The following VAC14 variants were observed in gnomAD, a reference collection of about 807,000 sequenced individuals.
VAC14 encodes the protein VAC14 component of PIKFYVE complex.
Under a neutral mutation model 85.3 loss-of-function variants are expected in VAC14, and 47 were observed. The ratio of observed to expected loss-of-function variants is 0.55; its 90% CI spans 0.44 to 0.70. VAC14 has a LOEUF of 0.70. VAC14 is among the 30% of genes least tolerant of loss of function. The pLI, the probability that VAC14 is intolerant of heterozygous loss-of-function variation, is 0.00. For synonymous variants in VAC14, 447 were observed against 430.5 expected (o/e 1.04, Z -0.47); for missense variants, 861 against 1,004.3 (o/e 0.86, Z 1.93).
chr16:70,698,937 G>A (rs2053767638), intron 14 of VAC14, 126 bp from the exon 15 acceptor site: 2 of 600,286 alleles, frequency 3.3e-6, no homozygotes, highest in South Asian at 3.5e-5. Context: ...GGCCAGTGTG[G>A]AGCCATGACT....
At chr16:70,713,709 G>GTTTTTT (rs34017623) in intron 14 of VAC14, among the ~76,000 whole-genome samples, 1 of 133,708 alleles carries the variant, frequency 7.5e-6, no homozygotes, top group Non-Finnish European at 1.6e-5. Flanking sequence ...CTTTGTTTTT[G>GTTTTTT]TTTTTTTTTT....
intron 12 of VAC14, chr16:70,755,136 C>T: frequency 3.9e-6 from 1 of 255,314 alleles, no homozygotes; most frequent in South Asian, 3.3e-5. Flanking sequence ...GGCTTCTACA[C>T]CACCCTGCAG....
intron 14 of VAC14, among the ~76,000 whole-genome samples, chr16:70,718,458 A>G (rs147773841): frequency 0.064 from 9,738 of 151,998 alleles, 335 homozygotes; most frequent in Middle Eastern, 0.078. Context: ...TGTAGTCCCA[A>G]CTACTCGGGA....
rs1597853797 is a variant in VAC14 at position 70,698,796 on chromosome 16, C to T, written c.1677G>A (p.Leu559=). 4 of 1,613,928 alleles carry T rather than the reference C, an allele frequency of 2.5e-6. No homozygotes were observed. Among genetic ancestry groups the T allele is most frequent in the South Asian group, 1.1e-5 (1 of 91,076 alleles). ...AGTGGAAGATGTTCTCCGCATTCAG[C>T]AGGAGGCACAGCTGCCTGGAGAGCA... is the stretch of plus-strand genomic sequence containing the variant. The part of the protein sequence containing the change: ...GPFIIRQLCL[L]LNAENIFHSM... Residue 559 remains leucine, a synonymous_variant, in exon 15 of 19, where the codon CTG becomes CTA. Coordinates refer to ENST00000261776, the MANE Select transcript of VAC14 (RefSeq NM_018052.5).
At chr16:70,738,504 C>T (rs1339856706) in intron 13 of VAC14, among the ~76,000 whole-genome samples, 3 of 152,082 alleles carry the variant, frequency 2.0e-5, no homozygotes, top group Non-Finnish European at 4.4e-5. Context: ...AGTCTGCCAC[C>T]GGGAAAGAGC....
Position 70,786,246 on chromosome 16 carries a change from C to T in VAC14, c.224G>A (p.Gly75Asp), listed in dbSNP as rs1160258220. 3 of 1,614,098 alleles carry T rather than the reference C, an allele frequency of 1.9e-6. No individual in the cohort carries two copies. The highest frequency in any genetic ancestry group is 2.5e-6 in the Non-Finnish European group (3 of 1,180,034). The change falls in exon 2 of 19, where the codon GGC becomes GAC. Residue 75 changes from glycine (G) to aspartate (D), a missense_variant. Physicochemically the swap from Gly to Asp is moderately conservative, Grantham distance 94. Transcript: ENST00000261776. ...HPHSRKGGLI[G>D]LAACSIALGK... ...CAGTGCGATGGAGCAGGCGGCCAGGCCGATGAGGCCCCCTTTCCGGCTGTG... is the reference window on the plus strand; with the variant it reads ...CAGTGCGATGGAGCAGGCGGCCAGGTCGATGAGGCCCCCTTTCCGGCTGTG...
Position 70,698,734 on chromosome 16 carries a change from T to C in VAC14, c.1739A>G (p.Lys580Arg), listed in dbSNP as rs1166898830. 1 of 1,614,170 alleles carries C rather than the reference T, an allele frequency of 6.2e-7. No individual in the cohort carries two copies. Among genetic ancestry groups the C allele is most frequent in the Admixed American group, 1.7e-5 (1 of 60,038 alleles). ...GGCGTGGACCATGGTCGAGGCGAAC[T>C]TGAGGTCCTCCTCCCGCAGCAGGAT... ...ADILLREEDL[K>R]FASTMVHALN... Residue 580 changes from lysine to arginine, a missense_variant, in exon 15 of 19, where the codon AAG becomes AGG. Coordinates refer to ENST00000261776, the MANE Select transcript of VAC14 (RefSeq NM_018052.5).
At chr16:70,699,273 A>C (rs1487230187) in intron 14 of VAC14, 5 of 177,682 alleles carry the variant, frequency 2.8e-5, no homozygotes, top group Admixed American at 5.5e-5. Flanking sequence ...TTACTGCCCC[A>C]CTCCTCCTCC....
intron 14 of VAC14, chr16:70,699,188 T>C: frequency 4.4e-6 from 1 of 227,742 alleles, no homozygotes; most frequent in Non-Finnish European, 8.9e-6. Context: ...AAGACACGCC[T>C]GTCCCCTGCT....
intron 13 of VAC14, among the ~76,000 whole-genome samples, chr16:70,741,477 T>C (rs2030301732): frequency 6.6e-6 from 1 of 152,214 alleles, no homozygotes; most frequent in African/African-American, 2.4e-5. Context: ...ATGGCCCCAT[T>C]TGTAAAATCT....
chr16:70,770,661 T>G (rs557468815), intron 10 of VAC14: 1 of 152,374 alleles, frequency 6.6e-6, no homozygotes, highest in African/African-American at 2.4e-5. Context: ...AGTAACTTCC[T>G]GGCTACTTCT....
chr16:70,688,672 A>G (rs2053544105), intron 18 of VAC14: 1 of 985,612 alleles, frequency 1.0e-6, no homozygotes, highest in African/African-American at 1.7e-5. Flanking sequence ...CAGCTCCTAC[A>G]TTCCTGTTGC....
In VAC14 at chr16:70,697,262, G is replaced by A; in HGVS notation, c.1837-5C>T. 6.2e-7 allele frequency: 1 copy of A among 1,611,880 alleles called. No individual in the cohort carries two copies. The highest frequency in any genetic ancestry group is 8.5e-7 in the Non-Finnish European group (1 of 1,178,326). ...GCAGAACAGGTTCTGGCTCTCCTGT[G>A]GGGGAACAGGCATGAGCCGTGAGGA... On this transcript the variant is annotated splice_region_variant and splice_polypyrimidine_tract_variant and intron_variant, in intron 15 of 18. Transcript: ENST00000261776.
At chr16:70,728,364 TG>T (rs2143000762) in intron 14 of VAC14, among the ~76,000 whole-genome samples, 1 of 152,242 alleles carries the variant, frequency 6.6e-6, no homozygotes, top group African/African-American at 2.4e-5. Context: ...AGGGACAAAG[TG>T]GCGGCTGCTG....
At chr16:70,778,704 G>A (rs112861747) in intron 9 of VAC14, 1 of 152,176 alleles carries the variant, frequency 6.6e-6, no homozygotes, top group Non-Finnish European at 1.5e-5. Flanking sequence ...AGAGCAGAAG[G>A]TGAAGCTGTG....
At chr16:70,744,311 G>A (rs556252125) in intron 13 of VAC14, 112 bp downstream of exon 13, 1 of 1,441,872 alleles carries the variant, frequency 6.9e-7, no homozygotes, top group African/African-American at 1.4e-5. Context: ...CTCACACCCT[G>A]GCAGAGCTCC....
intron 14 of VAC14, among the ~76,000 whole-genome samples, chr16:70,700,946 T>A (rs944326825): frequency 6.6e-6 from 1 of 152,062 alleles, no homozygotes; most frequent in Non-Finnish European, 1.5e-5. Context: ...GTGGTGCCCA[T>A]GTGAGGGCAG....
intron 18 of VAC14, chr16:70,690,303 G>A (rs1224498133): frequency 2.0e-6 from 2 of 985,394 alleles, no homozygotes; most frequent in African/African-American, 3.5e-5. Flanking sequence ...ACAGAGGCCA[G>A]GCCCGCTCTC....
chr16:70,719,030 T>G (rs1309053207), intron 14 of VAC14, among the ~76,000 whole-genome samples: 1 of 152,124 alleles, frequency 6.6e-6, no homozygotes, highest in African/African-American at 2.4e-5. Flanking sequence ...CCCAATACAG[T>G]AAGATTAGTG....
Sources: gnomAD v4.1 joint callset for allele counts (sites outside exome capture counted in the v4.1 genomes callset) on GRCh38, gnomAD v4.1.1 for gene constraint, MANE v1.5 for transcripts, NCBI Gene and HGNC (gene_info 2026-07-23, HGNC 2026-07-21) for gene names.